TSHZ2: variants seen among roughly 807,000 people sequenced by gnomAD.
TSHZ2 encodes teashirt zinc finger homeobox 2.
TSHZ2 carries 21 observed loss-of-function variants against 74.4 expected under a neutral mutation model. That is an observed-to-expected ratio of 0.28 (90% CI 0.20 to 0.41). The LOEUF is 0.41. Among genes scored for constraint, TSHZ2 ranks in the 10% least tolerant of loss-of-function variants. The pLI, the probability that TSHZ2 is intolerant of heterozygous loss-of-function variation, is 1.00. For synonymous variants in TSHZ2, 540 were observed against 515.3 expected (o/e 1.05, Z -0.65); for missense variants, 1,244 against 1,293.5 (o/e 0.96, Z 0.59).
At chr20:53,196,985 G>A (rs557079269) in intron 1 of TSHZ2, among the ~76,000 whole-genome samples, 4 of 152,350 alleles carry the variant, frequency 2.6e-5, no homozygotes, top group African/African-American at 9.6e-5. Flanking sequence ...AGCTGTGTGT[G>A]TCTAAACACA....
chr20:53,291,319 C>T (rs1568854515), intron 2 of TSHZ2, among the ~76,000 whole-genome samples: 1 of 151,766 alleles, frequency 6.6e-6, no homozygotes, highest in Non-Finnish European at 1.5e-5. Flanking sequence ...TAAAAATACA[C>T]AAAATTAGCT....
chr20:53,071,159 G>T lies in TSHZ2; in HGVS notation c.40+97826G>T, dbSNP rs1377596978. Among the ~76,000 whole-genome samples the T allele has an allele frequency of 2.0e-5, 3 of 152,104 alleles. No homozygotes were observed. The East Asian group carries it at 5.8e-4, about 29-fold the overall frequency. ...ACTTTAAAAAATATCCCCCCCATTT[G>T]GTGAACTGGTGAATCATGGAGTTCA... On this transcript the variant is annotated intron_variant, in intron 1 of 2. Transcript: ENST00000371497.
intron 2 of TSHZ2, among the ~76,000 whole-genome samples, chr20:53,429,172 C>T (rs539476086): frequency 1.3e-5 from 2 of 152,204 alleles, no homozygotes; most frequent in Non-Finnish European, 2.9e-5. Flanking sequence ...GGAAATCTGC[C>T]TTTACGGGAC....
At chr20:53,473,938 G>A (rs370334858) in intron 2 of TSHZ2, among the ~76,000 whole-genome samples, 3 of 152,108 alleles carry the variant, frequency 2.0e-5, no homozygotes, top group South Asian at 2.1e-4. Context: ...GAAATGAAGC[G>A]AGAAGAGAAG....
At chr20:53,186,872 G>A (rs747835160) in intron 1 of TSHZ2, among the ~76,000 whole-genome samples, 1 of 151,940 alleles carries the variant, frequency 6.6e-6, no homozygotes, top group African/African-American at 2.4e-5. Flanking sequence ...CCTCTTGGGG[G>A]CAGTGTGTGC....
At chr20:53,003,143 A>G (rs948417202) in intron 1 of TSHZ2, among the ~76,000 whole-genome samples, 1 of 152,206 alleles carries the variant, frequency 6.6e-6, no homozygotes, top group African/African-American at 2.4e-5. Flanking sequence ...CACTTCCAGT[A>G]TGAAATTTAG....
chr20:53,024,014 T>C (rs1430461134), intron 1 of TSHZ2, among the ~76,000 whole-genome samples: 4 of 152,092 alleles, frequency 2.6e-5, no homozygotes, highest in African/African-American at 9.7e-5. Context: ...AGCTCCAGGC[T>C]ACAAATTGCC....
Position 53,202,370 on chromosome 20 carries a change from C to T in TSHZ2, c.41-51129C>T, listed in dbSNP as rs571530973. ...GGCTAAGTGGTTTGGAATCGTCGCACAGAAAGAATTAACCTTAATATAAAG... is the reference window on the plus strand; with the variant it reads ...GGCTAAGTGGTTTGGAATCGTCGCATAGAAAGAATTAACCTTAATATAAAG... On this transcript the variant is annotated intron_variant, in intron 1 of 2. Transcript: ENST00000371497. Among the ~76,000 whole-genome samples the T allele has an allele frequency of 3.9e-5, 6 of 152,250 alleles. No individual in the cohort carries two copies. In the East Asian group the frequency reaches 9.7e-4, roughly 24 times the overall value.
intron 1 of TSHZ2, among the ~76,000 whole-genome samples, chr20:53,077,316 CAGG>C (rs1375129422): frequency 2.0e-5 from 3 of 151,118 alleles, no homozygotes; most frequent in Non-Finnish European, 4.4e-5. Flanking sequence ...GAGGCTGAGG[CAGG>C]AGAACCATTT....
chr20:53,425,852 G>C (rs1983635445), intron 2 of TSHZ2, among the ~76,000 whole-genome samples: 1 of 150,996 alleles, frequency 6.6e-6, no homozygotes, highest in Admixed American at 6.6e-5. Context: ...TTAACACCTG[G>C]GTCATACAGA....
chr20:53,002,278 G>C (rs1275779612), intron 1 of TSHZ2, among the ~76,000 whole-genome samples: 1 of 152,222 alleles, frequency 6.6e-6, no homozygotes, highest in Non-Finnish European at 1.5e-5. Flanking sequence ...GATCTACCTA[G>C]CCAGGGGTAC....
intron 1 of TSHZ2, among the ~76,000 whole-genome samples, chr20:53,066,517 C>T (rs949405150): frequency 1.3e-5 from 2 of 151,970 alleles, no homozygotes; most frequent in African/African-American, 4.8e-5. Flanking sequence ...TTGTTTGTTG[C>T]TTTGTTTGTT....
intron 2 of TSHZ2, among the ~76,000 whole-genome samples, chr20:53,301,665 A>G (rs975488911): frequency 6.6e-6 from 1 of 152,206 alleles, no homozygotes. Flanking sequence ...GCAAAAAGCA[A>G]TACTTCTGTT....
intron 2 of TSHZ2, among the ~76,000 whole-genome samples, chr20:53,377,829 C>T (rs1462054034): frequency 6.6e-6 from 1 of 152,144 alleles, no homozygotes; most frequent in Non-Finnish European, 1.5e-5. Context: ...GGCCACTGCA[C>T]TCCAGCCTGG....
rs187555996 is a variant in TSHZ2, at chr20:53,224,723, A to C, written c.41-28776A>C. Among the ~76,000 whole-genome samples, 261 of 151,968 alleles carry C rather than the reference A, an allele frequency of 1.7e-3. 1 individual carries two copies. Among genetic ancestry groups the C allele is most frequent in the Non-Finnish European group, 3.0e-3 (203 of 67,942 alleles). The stretch of plus-strand genomic sequence containing the variant: ...AAATTAGCTGGGTGCGGTGGTGGAC[A>C]CCTGTAATCCCAGCTACTCAGGAGG... On this transcript the variant is annotated intron_variant, in intron 1 of 2. Coordinates refer to ENST00000371497, the MANE Select transcript of TSHZ2 (RefSeq NM_173485.6).
At chr20:53,311,243 T>A (rs1568863186) in intron 2 of TSHZ2, among the ~76,000 whole-genome samples, 1 of 152,236 alleles carries the variant, frequency 6.6e-6, no homozygotes, top group Non-Finnish European at 1.5e-5. Flanking sequence ...TTATTTTGTG[T>A]ATTACTACAT....
chr20:53,044,476 C>T (rs1984154872), intron 1 of TSHZ2, among the ~76,000 whole-genome samples: 1 of 152,158 alleles, frequency 6.6e-6, no homozygotes, highest in Non-Finnish European at 1.5e-5. Flanking sequence ...TGTCATGGTC[C>T]TTGTGACACC....
chr20:53,106,301 A>G (rs899316280), intron 1 of TSHZ2, among the ~76,000 whole-genome samples: 6 of 149,822 alleles, frequency 4.0e-5, no homozygotes, highest in Non-Finnish European at 5.9e-5. Context: ...TAGATTTCAC[A>G]TATAAGTGAG....
intron 2 of TSHZ2, among the ~76,000 whole-genome samples, chr20:53,463,439 G>GAAGGAAGA (rs1184885442): frequency 3.0e-4 from 42 of 141,900 alleles, no homozygotes; most frequent in South Asian, 4.7e-4. Context: ...AGGAAGGAGG[G>GAAGGAAGA]AGGGAGGGAA....
Sources: allele counts gnomAD v4.1 joint callset (sites outside exome capture counted in the v4.1 genomes callset), GRCh38; gene constraint gnomAD v4.1.1; transcripts MANE v1.5; gene names NCBI Gene and HGNC (gene_info 2026-07-23, HGNC 2026-07-21).